Variants in NSUN6 observed in about 807,000 individuals in gnomAD.
NSUN6 encodes the protein tRNA (cytosine(72)-C(5))-methyltransferase NSUN6.
In NSUN6, 64 loss-of-function variants were observed where a neutral mutation model predicts 58.0. The ratio of observed to expected loss-of-function variants is 1.10; its 90% CI spans 0.90 to 1.36. The LOEUF is 1.36. Ranked by LOEUF, NSUN6 falls within the 40% of genes most tolerant of loss-of-function variation. The probability of loss-of-function intolerance (pLI) is 0.00; values close to 1 mark genes in which losing one functional copy is unlikely to be tolerated. For synonymous variants in NSUN6, 231 were observed against 193.9 expected (o/e 1.19, Z -1.59); for missense variants, 701 against 550.1 (o/e 1.27, Z -2.74).
At chr10:18,570,951 CT>C (rs1329525040) in intron 8 of NSUN6, among the ~76,000 whole-genome samples, 1 of 150,246 alleles carries the variant, frequency 6.7e-6, no homozygotes, top group Admixed American at 6.6e-5. Flanking sequence ...ATTCCATGTT[CT>C]CTTTTCTCCA....
intron 8 of NSUN6, among the ~76,000 whole-genome samples, chr10:18,568,951 ATCCATTCTCCATTCTAT>A (rs1346068504): frequency 7.6e-6 from 1 of 131,428 alleles, no homozygotes; most frequent in Admixed American, 7.5e-5. Flanking sequence ...TTCCATTCCA[ATCCATTCTCCATTCTAT>A]TCCATTCTCC....
intron 3 of NSUN6, among the ~76,000 whole-genome samples, chr10:18,634,790 C>A (rs137931313): frequency 4.7e-5 from 7 of 148,496 alleles, no homozygotes; most frequent in East Asian, 2.0e-4. Context: ...AAACAAAAAA[C>A]AAACGAATGC....
intron 1 of NSUN6, among the ~76,000 whole-genome samples, chr10:18,649,875 G>C (rs747804877): frequency 6.6e-6 from 1 of 152,068 alleles, no homozygotes; most frequent in Non-Finnish European, 1.5e-5. Flanking sequence ...GAAATCAACA[G>C]AATATATTTT....
chr10:18,639,282 C>G (rs1263558416), intron 3 of NSUN6, among the ~76,000 whole-genome samples: 1 of 152,100 alleles, frequency 6.6e-6, no homozygotes, highest in South Asian at 2.1e-4. Flanking sequence ...ATCATGAAGT[C>G]AGAAGTTGGA....
chr10:18,627,750 G>A (rs1374096217), intron 3 of NSUN6, among the ~76,000 whole-genome samples: 1 of 152,256 alleles, frequency 6.6e-6, no homozygotes, highest in Non-Finnish European at 1.5e-5. Context: ...GCGGCTCGGA[G>A]GGTCCTACGC....
At chr10:18,582,211 C>G (rs1414214528) in intron 8 of NSUN6, among the ~76,000 whole-genome samples, 1 of 152,150 alleles carries the variant, frequency 6.6e-6, no homozygotes, top group African/African-American at 2.4e-5. Flanking sequence ...ACTACCTTTC[C>G]CTGGCACTGG....
intron 2 of NSUN6, among the ~76,000 whole-genome samples, chr10:18,647,876 C>T (rs1322429415): frequency 6.6e-6 from 1 of 151,976 alleles, no homozygotes; most frequent in East Asian, 1.9e-4. Context: ...GCTGAGATCA[C>T]AGGCATGTGC....
chr10:18,642,498 G>A lies in NSUN6; in HGVS notation c.289C>T (p.Leu97Phe). ...LQHPDLQDVLLIPVIGPRKNI... is the reference protein window; with the variant it reads ...LQHPDLQDVLFIPVIGPRKNI... Reference sequence around the variant, plus strand: ...AACCTGGGTCCAATAACAGGAATAAGTAACACATCTTGAAGGTCTGGATGT... The same window carrying A: ...AACCTGGGTCCAATAACAGGAATAAATAACACATCTTGAAGGTCTGGATGT... The change falls in exon 3 of 11, where the codon CTT (leucine) becomes TTT (phenylalanine). Residue 97 changes from leucine to phenylalanine, a missense_variant. Physicochemically the swap from Leu to Phe is conservative, Grantham distance 22. Transcript: ENST00000377304. 1 of 1,542,130 alleles carries A rather than the reference G, an allele frequency of 6.5e-7. No homozygotes were observed. The highest frequency in any genetic ancestry group is 9.0e-7 in the Non-Finnish European group (1 of 1,115,560).
chr10:18,602,267 G>A (rs1255477044), intron 6 of NSUN6, among the ~76,000 whole-genome samples: 8 of 147,404 alleles, frequency 5.4e-5, no homozygotes, highest in Non-Finnish European at 9.0e-5. Context: ...TTTTTGAGAC[G>A]GAGTCTTGCT....
chr10:18,651,106 A>C lies in NSUN6; in HGVS notation c.75+23T>G, dbSNP rs201366152. The C allele has an allele frequency of 3.8e-6, 6 of 1,573,786 alleles. 1 individual carries two copies. The East Asian group carries it at 1.4e-4, about 36-fold the overall frequency. ...ATATTTGAGTTTTTGCAAAATATCA[A>C]CTAACATCTTTACTTGACCTACCTC... On this transcript the variant is annotated intron_variant, in intron 1 of 10. Coordinates refer to ENST00000377304, the MANE Select transcript of NSUN6 (RefSeq NM_182543.5).
chr10:18,651,341 T>C lies in NSUN6; in HGVS notation c.-138A>G, dbSNP rs1238819273. 7.2e-7 allele frequency: 1 copy of C among 1,394,032 alleles called. No individual in the cohort carries two copies. Among genetic ancestry groups the C allele is most frequent in the Non-Finnish European group, 9.3e-7 (1 of 1,080,124 alleles). 86.4% of individuals were successfully genotyped at this position (1,394,032 alleles called of 1,614,324 possible). On this transcript the variant is annotated 5_prime_UTR_variant, in exon 1 of 11. Transcript: ENST00000377304. ...AATCTTGCCGATCACGCTGAGTTAA[T>C]TTCGGAAATGCAGAGGTACACGCTT...
At chr10:18,642,901 T>C (rs1188637452) in intron 2 of NSUN6, among the ~76,000 whole-genome samples, 2 of 152,284 alleles carry the variant, frequency 1.3e-5, no homozygotes, top group Non-Finnish European at 1.5e-5. Flanking sequence ...AATAAGATGT[T>C]AAAGACTGAG....
At chr10:18,614,421 A>G (rs1189839955) in intron 5 of NSUN6, 39 bp downstream of exon 5, 6 of 1,279,160 alleles carry the variant, frequency 4.7e-6, no homozygotes, top group Non-Finnish European at 5.2e-6. Flanking sequence ...TTGACCCACA[A>G]AAAGGATGCT....
At chr10:18,607,414 G>T (rs549364512) in intron 6 of NSUN6, among the ~76,000 whole-genome samples, 1 of 152,252 alleles carries the variant, frequency 6.6e-6, no homozygotes, top group East Asian at 1.9e-4. Flanking sequence ...AATATCACCT[G>T]GTTCTGGTCT....
rs5783616 is a variant in NSUN6, at chr10:18,615,106, C to CATATATAT, written c.422-501_422-494dup. On this transcript the variant is annotated intron_variant, in intron 4 of 10. Transcript: ENST00000377304. ...TTAATGATAAGCATATATAGTCATT[C>CATATATAT]ATATATATATATATATATATATACA... Among the ~76,000 whole-genome samples the CATATATAT allele has an allele frequency of 3.9e-3, 570 of 147,034 alleles. 1 individual carries two copies. The highest frequency in any genetic ancestry group is 0.013 in the East Asian group (64 of 5,038).
At chr10:18,555,734 G>C (rs2054954542) in intron 8 of NSUN6, among the ~76,000 whole-genome samples, 1 of 150,398 alleles carries the variant, frequency 6.6e-6, no homozygotes, top group African/African-American at 2.4e-5. Context: ...CAATGGGTTA[G>C]AATGGAGAAT....
At chr10:18,565,944 C>A (rs1003761405) in intron 8 of NSUN6, among the ~76,000 whole-genome samples, 4 of 149,430 alleles carry the variant, frequency 2.7e-5, no homozygotes, top group African/African-American at 7.4e-5. Flanking sequence ...CCTCCCATTC[C>A]CTTCCATTCT....
At chr10:18,617,149 A>G (rs537582694) in intron 3 of NSUN6, among the ~76,000 whole-genome samples, 11 of 151,930 alleles carry the variant, frequency 7.2e-5, no homozygotes, top group Non-Finnish European at 1.5e-4. Context: ...ATCACTCACA[A>G]AAACAATCCA....
intron 1 of NSUN6, among the ~76,000 whole-genome samples, chr10:18,648,988 T>C (rs2059627856): frequency 6.6e-6 from 1 of 152,214 alleles, no homozygotes; most frequent in African/African-American, 2.4e-5. Flanking sequence ...GCATTACCAT[T>C]ACAGCATCTC....
Sources: allele counts gnomAD v4.1 joint callset (sites outside exome capture counted in the v4.1 genomes callset), GRCh38; gene constraint gnomAD v4.1.1; transcripts MANE v1.5; gene names NCBI Gene and HGNC (gene_info 2026-07-23, HGNC 2026-07-21).